SPAG16: variants seen among roughly 807,000 people sequenced by gnomAD.
SPAG16 encodes sperm-associated antigen 16 protein.
Under a neutral mutation model 80.4 loss-of-function variants are expected in SPAG16, and 86 were observed. The ratio of observed to expected loss-of-function variants is 1.07; its 90% CI spans 0.90 to 1.28. The LOEUF is 1.28. SPAG16 is among the 50% of genes most tolerant of loss of function. The pLI is 0.00. For synonymous variants in SPAG16, 294 were observed against 265.9 expected, an observed-to-expected ratio of 1.11 and a Z score of -1.03; for missense variants, 870 against 765.3, an observed-to-expected ratio of 1.14 and a Z score of -1.61.
intron 1 of SPAG16, among the ~76,000 whole-genome samples, chr2:213,288,487 A>G (rs1488778007): frequency 1.5e-5 from 2 of 133,902 alleles, no homozygotes; most frequent in Admixed American, 1.5e-4. Flanking sequence ...TTTTTTTTGT[A>G]TTTTCAGTAG....
intron 9 of SPAG16, among the ~76,000 whole-genome samples, chr2:213,478,724 A>G (rs1415087396): frequency 6.6e-6 from 1 of 152,146 alleles, no homozygotes; most frequent in African/African-American, 2.4e-5. Context: ...AATAAAAACT[A>G]TGTGACTGTT....
At chr2:213,527,216 G>C (rs2075917450) in intron 10 of SPAG16, among the ~76,000 whole-genome samples, 1 of 152,190 alleles carries the variant, frequency 6.6e-6, no homozygotes, top group Non-Finnish European at 1.5e-5. Flanking sequence ...CCTGTTTTCA[G>C]CTTTACTCAG....
chr2:213,559,635 A>G (rs2059539340), intron 10 of SPAG16, among the ~76,000 whole-genome samples: 1 of 152,162 alleles, frequency 6.6e-6, no homozygotes, highest in Non-Finnish European at 1.5e-5. Context: ...CTCTTACAAT[A>G]AGAAATGTAT....
At chr2:213,702,351 C>T (rs1255493435) in intron 10 of SPAG16, among the ~76,000 whole-genome samples, 4 of 152,196 alleles carry the variant, frequency 2.6e-5, no homozygotes, top group Non-Finnish European at 4.4e-5. Context: ...AAGGTTTGTT[C>T]TTTCACTTTT....
intron 11 of SPAG16, among the ~76,000 whole-genome samples, chr2:213,877,115 A>T (rs1353329562): frequency 1.3e-5 from 2 of 152,108 alleles, no homozygotes; most frequent in Non-Finnish European, 2.9e-5. Flanking sequence ...CAGTGCCTTT[A>T]ACATGTACTT....
intron 10 of SPAG16, among the ~76,000 whole-genome samples, chr2:213,683,801 A>C (rs2064516563): frequency 6.6e-6 from 1 of 152,214 alleles, no homozygotes; most frequent in Admixed American, 6.5e-5. Context: ...TACATTTGGA[A>C]AAACTAGGCC....
At chr2:213,369,130 A>G (rs2066493056) in intron 8 of SPAG16, among the ~76,000 whole-genome samples, 1 of 152,228 alleles carries the variant, frequency 6.6e-6, no homozygotes. Context: ...AATATCCTTT[A>G]AAATTTAGAT....
intron 15 of SPAG16, among the ~76,000 whole-genome samples, chr2:214,196,156 G>A (rs1211847929): frequency 2.0e-5 from 3 of 152,032 alleles, no homozygotes; most frequent in East Asian, 1.9e-4. Context: ...TGTATGCCTC[G>A]GGAAGGTGGA....
intron 10 of SPAG16, among the ~76,000 whole-genome samples, chr2:213,540,812 C>T (rs1319308081): frequency 1.3e-5 from 2 of 152,188 alleles, no homozygotes; most frequent in African/African-American, 2.4e-5. Flanking sequence ...TTACTTTTCA[C>T]CGTAAATAAA....
intron 9 of SPAG16, among the ~76,000 whole-genome samples, chr2:213,394,371 T>C (rs2067929642): frequency 6.6e-6 from 1 of 152,174 alleles, no homozygotes; most frequent in South Asian, 2.1e-4. Context: ...TTAAAACTAA[T>C]ATTTTTACTT....
At chr2:213,528,878 G>T (rs926008867) in intron 10 of SPAG16, among the ~76,000 whole-genome samples, 8 of 152,148 alleles carry the variant, frequency 5.3e-5, no homozygotes, top group Non-Finnish European at 1.0e-4. Context: ...TTGCCTGCAG[G>T]CCATGGGTTG....
rs556637033 is a variant in SPAG16, at chr2:213,488,933, G to A, written c.943-1030G>A. ...TACTAAAAATACAAAAAATTACCCG[G>A]GCGTGGTGGCACGCGCCTGTAGTCC... On this transcript the variant is annotated intron_variant, in intron 9 of 15. Coordinates refer to ENST00000331683, the MANE Select transcript of SPAG16 (RefSeq NM_024532.5). Among the ~76,000 whole-genome samples, 4 of 151,666 alleles carry A rather than the reference G, an allele frequency of 2.6e-5. 1 individual carries two copies. In the South Asian group the frequency reaches 8.5e-4, roughly 32 times the overall value.
At chr2:213,546,786 T>C (rs965893449) in intron 10 of SPAG16, among the ~76,000 whole-genome samples, 14 of 152,108 alleles carry the variant, frequency 9.2e-5, no homozygotes, top group East Asian at 3.9e-4. Context: ...GAAATAAGAG[T>C]GAGACTTGTA....
chr2:214,106,968 A>G (rs2053416468), intron 13 of SPAG16, among the ~76,000 whole-genome samples: 1 of 151,722 alleles, frequency 6.6e-6, no homozygotes, highest in South Asian at 2.1e-4. Context: ...TTCATTGGCT[A>G]ACTCCCTTAC....
chr2:214,087,228 CTTAACT>C (rs921385538), intron 13 of SPAG16, among the ~76,000 whole-genome samples: 1 of 152,032 alleles, frequency 6.6e-6, no homozygotes. Flanking sequence ...TTTTTGCTAT[CTTAACT>C]TTAAGGACGC....
At chr2:214,267,988 A>G (rs554181522) in intron 15 of SPAG16, among the ~76,000 whole-genome samples, 1 of 152,058 alleles carries the variant, frequency 6.6e-6, no homozygotes, top group South Asian at 2.1e-4. Flanking sequence ...AGAAAAACAA[A>G]TAACCCCATT....
At chr2:214,190,259 G>A (rs2057620023) in intron 15 of SPAG16, among the ~76,000 whole-genome samples, 4 of 152,060 alleles carry the variant, frequency 2.6e-5, no homozygotes, top group African/African-American at 9.7e-5. Flanking sequence ...AAGATTAAAA[G>A]GGAATATGAG....
intron 15 of SPAG16, among the ~76,000 whole-genome samples, chr2:214,353,131 G>C (rs73989451): frequency 0.064 from 9,679 of 151,658 alleles, 1,015 homozygotes; most frequent in African/African-American, 0.22. Flanking sequence ...ATATTTATTT[G>C]GTCTAACTAT....
intron 14 of SPAG16, among the ~76,000 whole-genome samples, chr2:214,116,809 A>G (rs951256077): frequency 4.6e-5 from 7 of 152,330 alleles, no homozygotes; most frequent in African/African-American, 1.7e-4. Flanking sequence ...TCTAGTGCTA[A>G]GACAACTTCA....
Sources: gnomAD v4.1 joint callset for allele counts (sites outside exome capture counted in the v4.1 genomes callset) on GRCh38, gnomAD v4.1.1 for gene constraint, MANE v1.5 for transcripts, NCBI Gene and HGNC (gene_info 2026-07-23, HGNC 2026-07-21) for gene names.